The following NRDC variants were observed in gnomAD, a reference collection of about 807,000 sequenced individuals.
NRDC encodes nardilysin convertase.
In NRDC, 54 loss-of-function variants were observed where a neutral mutation model predicts 147.1. That is an observed-to-expected ratio of 0.37 (90% CI 0.29 to 0.46). NRDC has a LOEUF of 0.46. NRDC is among the 20% of genes least tolerant of loss of function. The probability of loss-of-function intolerance (pLI) is 1.00; values close to 1 mark genes in which losing one functional copy is unlikely to be tolerated. For missense variants in NRDC, 1,082 were observed against 1,370.6 expected (o/e 0.79, Z 3.33); for synonymous variants, 440 against 482.1 (o/e 0.91, Z 1.14).
intron 1 of NRDC, 96 bp downstream of exon 1, chr1:51,878,179 T>TG: frequency 6.8e-7 from 1 of 1,460,976 alleles, no homozygotes; most frequent in East Asian, 2.3e-5. Flanking sequence ...TGTGCCCTGT[T>TG]GCTCCATTGG....
chr1:51,845,015 A>G (rs906546250), intron 1 of NRDC, among the ~76,000 whole-genome samples: 2 of 152,144 alleles, frequency 1.3e-5, no homozygotes, highest in African/African-American at 2.4e-5. Context: ...CCTTTTCAAA[A>G]TTCATCATTG....
At chr1:51,807,868 C>T (rs1679540604) in intron 17 of NRDC, among the ~76,000 whole-genome samples, 1 of 143,426 alleles carries the variant, frequency 7.0e-6, no homozygotes, top group Admixed American at 7.4e-5. Flanking sequence ...TGCAATGGTG[C>T]GATCTCAACT....
chr1:51,829,499 A>C (rs1453846020), intron 4 of NRDC, among the ~76,000 whole-genome samples: 1 of 152,196 alleles, frequency 6.6e-6, no homozygotes. Flanking sequence ...TATCTGGCAA[A>C]AATTTTCCAT....
At chr1:51,871,501 C>T (rs903714160) in intron 1 of NRDC, among the ~76,000 whole-genome samples, 3 of 136,358 alleles carry the variant, frequency 2.2e-5, no homozygotes, top group Non-Finnish European at 4.6e-5. Flanking sequence ...AAGAATTCTC[C>T]TCCACTGGTT....
At chr1:51,870,603 A>G (rs2124127001) in intron 1 of NRDC, among the ~76,000 whole-genome samples, 1 of 152,206 alleles carries the variant, frequency 6.6e-6, no homozygotes, top group South Asian at 2.1e-4. Context: ...TACAAATAAG[A>G]GGGGAAAGTC....
intron 1 of NRDC, among the ~76,000 whole-genome samples, chr1:51,864,569 A>G (rs1448490831): frequency 1.3e-5 from 2 of 152,220 alleles, no homozygotes; most frequent in Non-Finnish European, 2.9e-5. Flanking sequence ...GAACTTTTAC[A>G]GAAAATATTT....
chr1:51,834,727 A>G (rs1178509332), intron 3 of NRDC, among the ~76,000 whole-genome samples: 2 of 152,324 alleles, frequency 1.3e-5, no homozygotes, highest in Middle Eastern at 6.8e-3. Flanking sequence ...AGACGAACAT[A>G]TAACTTATAA....
intron 1 of NRDC, among the ~76,000 whole-genome samples, chr1:51,876,264 ATACAGGTTGAG>A (rs1683321603): frequency 6.6e-6 from 1 of 152,196 alleles, no homozygotes; most frequent in Non-Finnish European, 1.5e-5. Flanking sequence ...TACATTGCCA[ATACAGGTTGAG>A]TATCCTTTAT....
At chr1:51,856,624 G>A (rs1406276515) in intron 1 of NRDC, among the ~76,000 whole-genome samples, 2 of 152,140 alleles carry the variant, frequency 1.3e-5, no homozygotes, top group African/African-American at 2.4e-5. Flanking sequence ...TTCCTGTGCA[G>A]GCCACCCTCC....
At position 51,874,056 on chromosome 1, in the gene NRDC, C is replaced by T. The variant is rs540053381; in HGVS notation, c.341+4219G>A. 2.6e-3 allele frequency among the ~76,000 whole-genome samples: 385 copies of T among 149,946 alleles called. 3 individuals carry two copies. The highest frequency in any genetic ancestry group is 5.1e-3 in the South Asian group (24 of 4,700). Reference sequence around the variant, plus strand: ...ACCTCCATTTCTACAAAAAATTAGCCGGACATGGTGGGGCAGGTTGTGATG... The same window carrying T: ...ACCTCCATTTCTACAAAAAATTAGCTGGACATGGTGGGGCAGGTTGTGATG... On this transcript the variant is annotated intron_variant, in intron 1 of 30. Coordinates refer to ENST00000352171, the MANE Select transcript of NRDC (RefSeq NM_001101662.2).
intron 1 of NRDC, among the ~76,000 whole-genome samples, chr1:51,846,792 C>T (rs774772405): frequency 3.9e-5 from 6 of 152,242 alleles, no homozygotes; most frequent in Non-Finnish European, 5.9e-5. Context: ...GCCCCACCCA[C>T]ATCCTGCTGA....
In NRDC at chr1:51,827,860, C is replaced by T. The variant is rs763971616; in HGVS notation, c.876G>A (p.Gln292=). The T allele has an allele frequency of 1.2e-6, 2 of 1,613,728 alleles. No individual in the cohort carries two copies. Among genetic ancestry groups the T allele is most frequent in the Admixed American group, 3.3e-5 (2 of 60,010 alleles). The change falls in exon 5 of 31, where the codon CAG becomes CAA. Residue 292 remains glutamine (Q), a synonymous_variant. Transcript: ENST00000352171. ...YFKEALDRWA[Q]FFIHPLMIRD... ...TGATCATTAGTGGGTGGATGAAGAA[C>T]TGCGCCCATCTGAACAAAAAACAAA...
At chr1:51,848,234 G>A (rs1004551386) in intron 1 of NRDC, among the ~76,000 whole-genome samples, 2 of 152,218 alleles carry the variant, frequency 1.3e-5, no homozygotes, top group Non-Finnish European at 2.9e-5. Flanking sequence ...CCAGCACTTT[G>A]AGAGGCCAAG....
rs1679452750 is a variant in NRDC at position 51,806,203 on chromosome 1, T to A, written c.2110+591A>T. On this transcript the variant is annotated intron_variant, in intron 18 of 30. Transcript: ENST00000352171. Reference sequence around the variant, plus strand: ...TTAGAGTCTACTTAACTCTATACTATGCTTCCTTTATGCTGAAAAAAAAAT... The same window carrying A: ...TTAGAGTCTACTTAACTCTATACTAAGCTTCCTTTATGCTGAAAAAAAAAT... Among the ~76,000 whole-genome samples, 3 of 151,696 alleles carry A rather than the reference T, an allele frequency of 2.0e-5. 1 individual carries two copies. The South Asian group carries it at 6.2e-4, about 32-fold the overall frequency.
rs1346684258 is a variant in NRDC at position 51,794,823 on chromosome 1, T to G, written c.2636A>C (p.Asp879Ala). The stretch of plus-strand genomic sequence containing the variant: ...CCAAAGAGAAAATTCAAATACTTAC[T>G]CAACAACATATTTCAGGAAATCCAT... ...ESMDFLKYVV[D>A]KLNFKPLEQE... The change falls in exon 23 of 31, where the codon GAC becomes GCC. Residue 879 changes from aspartate to alanine, a missense_variant and splice_region_variant. Transcript: ENST00000352171. 1 of 1,614,052 alleles carries G rather than the reference T, an allele frequency of 6.2e-7. No homozygotes were observed. The highest frequency in any genetic ancestry group is 8.5e-7 in the Non-Finnish European group (1 of 1,179,992).
chr1:51,877,470 G>A (rs1187531990), intron 1 of NRDC, among the ~76,000 whole-genome samples: 1 of 152,070 alleles, frequency 6.6e-6, no homozygotes, highest in Admixed American at 6.6e-5. Flanking sequence ...AAATTAGCCT[G>A]GGCAACATCG....
chr1:51,859,156 A>G (rs1682406768), intron 1 of NRDC, among the ~76,000 whole-genome samples: 1 of 152,250 alleles, frequency 6.6e-6, no homozygotes, highest in East Asian at 1.9e-4. Context: ...GAAACAGGTA[A>G]TGGAAGAATG....
At position 51,795,520 on chromosome 1, in the gene NRDC, G is replaced by C. The variant is rs796812772; in HGVS notation, c.2605-666C>G. ...TCTGGGGTTGCAGAATGAAGATAGA[G>C]AGAAAGGGGAGGATAGCAGCCACAA... On this transcript the variant is annotated intron_variant, in intron 22 of 30. Transcript: ENST00000352171. The C allele has an allele frequency of 1.0e-4, 19 of 190,510 alleles. 1 individual carries two copies. The highest frequency in any genetic ancestry group is 4.2e-4 in the African/African-American group (18 of 43,040). 11.8% of individuals were successfully genotyped at this position (190,510 alleles called of 1,614,324 possible).
chr1:51,850,865 C>T (rs1419853959), intron 1 of NRDC, among the ~76,000 whole-genome samples: 1 of 152,188 alleles, frequency 6.6e-6, no homozygotes, highest in Non-Finnish European at 1.5e-5. Flanking sequence ...GCTTGACACC[C>T]TGTAAATAAA....
Sources: gnomAD v4.1 joint callset for allele counts (sites outside exome capture counted in the v4.1 genomes callset) on GRCh38, gnomAD v4.1.1 for gene constraint, MANE v1.5 for transcripts, NCBI Gene and HGNC (gene_info 2026-07-23, HGNC 2026-07-21) for gene names.